The following GABPA variants were observed in gnomAD, a reference collection of about 807,000 sequenced individuals.
The protein encoded by GABPA is GA binding protein transcription factor subunit alpha.
In GABPA, 4 loss-of-function variants were observed where a neutral mutation model predicts 59.4. That is an observed-to-expected ratio of 0.07 (90% CI 0.03 to 0.15). The LOEUF (loss-of-function observed/expected upper bound fraction) is 0.15. Among genes scored for constraint, GABPA ranks in the 10% least tolerant of loss-of-function variants. The pLI is 1.00. For missense variants in GABPA, 251 were observed against 543.8 expected (o/e 0.46, Z 5.36); for synonymous variants, 164 against 183.1 (o/e 0.90, Z 0.84).
In GABPA at chr21:25,768,883, TTAA is replaced by T. The variant is rs1601160952; in HGVS notation, c.1137-119_1137-117del. The stretch of plus-strand genomic sequence containing the variant: ...TTAAATATTCTACATAGCTTCAATA[TTAA>T]TTGCTATTGTGGCGGATGCAGTACT... On this transcript the variant is annotated intron_variant, in intron 9 of 9. Transcript: ENST00000400075. 6.2e-6 allele frequency: 4 copies of T among 643,646 alleles called. No homozygotes were observed. In the East Asian group the frequency reaches 1.1e-4, roughly 17 times the overall value. 39.9% of individuals were successfully genotyped at this position (643,646 alleles called of 1,614,324 possible).
intron 5 of GABPA, among the ~76,000 whole-genome samples, chr21:25,757,556 A>G (rs2123549846): frequency 6.6e-6 from 1 of 152,322 alleles, no homozygotes; most frequent in East Asian, 1.9e-4. Flanking sequence ...AGCTTTTTAC[A>G]GGAAGGAAAA....
chr21:25,752,489 A>C (rs527835564), intron 5 of GABPA: 1 of 429,612 alleles, frequency 2.3e-6, no homozygotes, highest in African/African-American at 2.0e-5. Flanking sequence ...AAGAGAGAGA[A>C]GATAGATGAA....
intron 2 of GABPA, among the ~76,000 whole-genome samples, chr21:25,744,663 A>G (rs2035314268): frequency 6.6e-6 from 1 of 152,048 alleles, no homozygotes; most frequent in South Asian, 2.1e-4. Context: ...AAGAGCACTA[A>G]GACAGTTTTT....
At chr21:25,746,435 A>G (rs2035367254) in intron 3 of GABPA, among the ~76,000 whole-genome samples, 1 of 152,158 alleles carries the variant, frequency 6.6e-6, no homozygotes. Flanking sequence ...GGTATTCTGT[A>G]TATTACAGAA....
intron 4 of GABPA, 118 bp from the exon 5 acceptor site, chr21:25,751,871 C>G (rs2035521687): frequency 6.0e-6 from 6 of 1,006,356 alleles, no homozygotes; most frequent in Middle Eastern, 4.3e-4. Flanking sequence ...ACTTTTACTA[C>G]ATTTGCTTTA....
chr21:25,772,239 C>CA lies in GABPA; in HGVS notation c.*3009dup, dbSNP rs2036022952. 2 of 152,010 alleles carry CA rather than the reference C, an allele frequency of 1.3e-5. No homozygotes were observed. The highest frequency in any genetic ancestry group is 1.3e-4 in the Admixed American group (2 of 15,254). The allele number at this position is 152,010 out of a possible 1,614,324, so 9.4% of individuals were successfully genotyped here. Reference sequence around the variant, plus strand: ...TTGCTGCCAGGAAAAACAAAATTCTCAATCTTTTGTAAATGGGAGGAGGAC... The same window carrying CA: ...TTGCTGCCAGGAAAAACAAAATTCTCAAATCTTTTGTAAATGGGAGGAGGAC... On this transcript the variant is annotated 3_prime_UTR_variant, in exon 10 of 10. Transcript: ENST00000400075.
intron 2 of GABPA, among the ~76,000 whole-genome samples, chr21:25,741,906 A>G (rs1486439625): frequency 6.6e-6 from 1 of 152,218 alleles, no homozygotes; most frequent in Non-Finnish European, 1.5e-5. Context: ...AATTGCTTTC[A>G]ATAGTTTTCT....
intron 1 of GABPA, among the ~76,000 whole-genome samples, chr21:25,737,350 T>G (rs749663196): frequency 6.6e-6 from 1 of 152,220 alleles, no homozygotes; most frequent in Non-Finnish European, 1.5e-5. Context: ...TATGAAAGAT[T>G]TGGACTATTT....
chr21:25,743,039 A>G (rs1057495399), intron 2 of GABPA, among the ~76,000 whole-genome samples: 1 of 152,116 alleles, frequency 6.6e-6, no homozygotes. Flanking sequence ...TGAGTTTGCA[A>G]TGAAGCTGTC....
intron 5 of GABPA, among the ~76,000 whole-genome samples, chr21:25,752,690 G>T (rs1308502987): frequency 3.3e-5 from 5 of 152,120 alleles, no homozygotes; most frequent in Admixed American, 1.3e-4. Flanking sequence ...GCTTAGACCT[G>T]GGGGTATGCA....
At chr21:25,763,652 T>C (rs1168169342) in intron 7 of GABPA, among the ~76,000 whole-genome samples, 2 of 152,198 alleles carry the variant, frequency 1.3e-5, no homozygotes, top group East Asian at 3.8e-4. Context: ...TATTATTTTA[T>C]AACTTTTTTA....
intron 3 of GABPA, among the ~76,000 whole-genome samples, chr21:25,748,019 G>A (rs981419128): frequency 1.2e-4 from 18 of 152,090 alleles, no homozygotes; most frequent in African/African-American, 4.3e-4. Flanking sequence ...CAATTTTCAT[G>A]CCTCAGCCTC....
At chr21:25,758,915 C>T (rs780829173) in intron 6 of GABPA, among the ~76,000 whole-genome samples, 7 of 152,064 alleles carry the variant, frequency 4.6e-5, no homozygotes, top group Non-Finnish European at 1.0e-4. Flanking sequence ...ACTAAAAATA[C>T]AAAAAATAGG....
intron 3 of GABPA, 109 bp from the exon 4 acceptor site, chr21:25,748,927 G>A (rs1018382548): frequency 7.1e-6 from 5 of 702,046 alleles, no homozygotes; most frequent in Non-Finnish European, 1.3e-5. Flanking sequence ...TAATTAGTAT[G>A]TTCAGTAATT....
intron 5 of GABPA, among the ~76,000 whole-genome samples, chr21:25,753,808 G>A (rs371459056): frequency 1.3e-5 from 2 of 152,212 alleles, no homozygotes; most frequent in South Asian, 2.1e-4. Context: ...CAGTATTGTC[G>A]GGTTTTTGTC....
Position 25,758,147 on chromosome 21 carries a change from TTTCAGCGGG to T in GABPA, c.695_703del (p.Gln232_Val234del), listed in dbSNP as rs1428615955. ...ATGTAGTCTCAACCAAGAAGATTTT[TTTCAGCGGG>T]TTCCTCGGGGAGAAATTCTCTGGAG... is the stretch of plus-strand genomic sequence containing the variant. On this transcript the variant is annotated inframe_deletion, in exon 6 of 10. Transcript: ENST00000400075. The T allele has an allele frequency of 1.2e-6, 2 of 1,610,184 alleles. No homozygotes were observed. Among genetic ancestry groups the T allele is most frequent in the African/African-American group, 2.7e-5 (2 of 74,670 alleles).
chr21:25,762,533 T>C (rs950496328), intron 7 of GABPA, among the ~76,000 whole-genome samples, 168 bp downstream of exon 7: 1 of 151,886 alleles, frequency 6.6e-6, no homozygotes, highest in African/African-American at 2.4e-5. Flanking sequence ...GATCCACTCA[T>C]GTGTTTTTAA....
chr21:25,754,741 C>T (rs1449625577), intron 5 of GABPA, among the ~76,000 whole-genome samples: 3 of 151,992 alleles, frequency 2.0e-5, no homozygotes, highest in South Asian at 2.1e-4. Context: ...TTTTGCCCAT[C>T]TTTTCATATT....
intron 1 of GABPA, 72 bp from the exon 2 acceptor site, chr21:25,741,501 G>T: frequency 1.5e-6 from 1 of 674,454 alleles, no homozygotes; most frequent in African/African-American, 1.9e-5. Context: ...ATTTGGATTG[G>T]GTCTCTACTT....
Sources: gnomAD v4.1 joint callset for allele counts (sites outside exome capture counted in the v4.1 genomes callset) on GRCh38, gnomAD v4.1.1 for gene constraint, MANE v1.5 for transcripts, NCBI Gene and HGNC (gene_info 2026-07-23, HGNC 2026-07-21) for gene names.